MBNL2: variants seen among roughly 807,000 people sequenced by gnomAD.
MBNL2 encodes the protein muscleblind like splicing regulator 2, also known as muscleblind-like protein 2.
A neutral mutation model predicts 41.9 loss-of-function variants in MBNL2; 17 were observed. The observed-to-expected ratio is 0.41, with a 90% CI of 0.28 to 0.61. The LOEUF is 0.61. Among genes scored for constraint, MBNL2 ranks in the 20% least tolerant of loss-of-function variants. MBNL2 has a pLI of 0.35. For synonymous variants in MBNL2, 195 were observed against 182.9 expected (o/e 1.07, Z -0.53); for missense variants, 336 against 505.6 (o/e 0.66, Z 3.22).
chr13:97,252,071 C>G (rs925069960), intron 1 of MBNL2, among the ~76,000 whole-genome samples: 2 of 151,224 alleles, frequency 1.3e-5, no homozygotes, highest in African/African-American at 2.4e-5. Flanking sequence ...AGGATGGTCT[C>G]GATCTCCTGA....
upstream of MBNL2, among the ~76,000 whole-genome samples, chr13:97,221,851 T>C (rs1055402736): frequency 5.9e-5 from 9 of 152,212 alleles, no homozygotes; most frequent in Non-Finnish European, 8.8e-5. Context: ...TCTTCCTCAA[T>C]AATGGAAATA....
chr13:97,374,977 G>A (rs1002927359), intron 8 of MBNL2, among the ~76,000 whole-genome samples: 10 of 152,116 alleles, frequency 6.6e-5, no homozygotes, highest in Admixed American at 1.3e-4. Flanking sequence ...TGCTGTGAGC[G>A]GAATGGAATT....
At chr13:97,382,161 T>C (rs2065508845) in intron 8 of MBNL2, among the ~76,000 whole-genome samples, 1 of 152,238 alleles carries the variant, frequency 6.6e-6, no homozygotes, top group Admixed American at 6.5e-5. Context: ...TTAGTACACA[T>C]ACAGTCCCTA....
intron 2 of MBNL2, among the ~76,000 whole-genome samples, chr13:97,295,078 C>G (rs980164566): frequency 1.1e-4 from 17 of 152,118 alleles, no homozygotes; most frequent in African/African-American, 4.1e-4. Flanking sequence ...TGTGTTCACC[C>G]TGGAGAAAGA....
chr13:97,380,344 AT>A, intron 8 of MBNL2, among the ~76,000 whole-genome samples: 1 of 152,174 alleles, frequency 6.6e-6, no homozygotes, highest in East Asian at 1.9e-4. Context: ...AAATACAAAA[AT>A]TAGCCAGGTG....
rs1056709949 is a variant in MBNL2 at position 97,276,533 on chromosome 13, A to T, written c.174+124A>T. ...AGATTCTATTTTCTTGTTTGTGGTG[A>T]CTGTTGGGAGATTTTTCACTCAAAT... is the stretch of plus-strand genomic sequence containing the variant. On this transcript the variant is annotated intron_variant, in intron 2 of 8. Transcript: ENST00000679496. 46 of 931,298 alleles carry T rather than the reference A, an allele frequency of 4.9e-5. No homozygotes were observed. In the African/African-American group the frequency reaches 5.3e-4, roughly 11 times the overall value. 57.7% of individuals were successfully genotyped at this position (931,298 alleles called of 1,614,324 possible). A position where few individuals can be genotyped will look rare whatever the true frequency, so the allele number is the denominator to read the frequency against.
At chr13:97,247,945 C>G (rs912405084) in intron 1 of MBNL2, among the ~76,000 whole-genome samples, 1 of 152,190 alleles carries the variant, frequency 6.6e-6, no homozygotes, top group African/African-American at 2.4e-5. Context: ...ATCACATGTT[C>G]TAAACTTTTC....
chr13:97,333,808 C>T (rs1302669390), intron 2 of MBNL2, among the ~76,000 whole-genome samples: 1 of 152,036 alleles, frequency 6.6e-6, no homozygotes, highest in East Asian at 1.9e-4. Context: ...TCTGATAGCC[C>T]ACAATAGATA....
the MBNL2 span, among the ~76,000 whole-genome samples, chr13:97,192,244 A>G: frequency 1.3e-5 from 2 of 152,218 alleles, no homozygotes; most frequent in Non-Finnish European, 2.9e-5. Flanking sequence ...CGCTTTCCCA[A>G]AAATGTACCA....
chr13:97,269,365 C>T (rs2050467221), intron 1 of MBNL2, among the ~76,000 whole-genome samples: 1 of 152,150 alleles, frequency 6.6e-6, no homozygotes, highest in Admixed American at 6.5e-5. Context: ...TGCCGTTATA[C>T]ATGGAATCTT....
intron 1 of MBNL2, among the ~76,000 whole-genome samples, chr13:97,226,461 CCAACTCA>C (rs1461564659): frequency 2.0e-5 from 3 of 152,100 alleles, no homozygotes; most frequent in Non-Finnish European, 4.4e-5. Context: ...GGTGAGAAAC[CCAACTCA>C]GTAACCTAAT....
rs754139771 is a variant in MBNL2 at position 97,365,201 on chromosome 13, T to C, written c.1048+30T>C. 6 of 1,466,670 alleles carry C rather than the reference T, an allele frequency of 4.1e-6. No homozygotes were observed. In the South Asian group the frequency reaches 6.8e-5, roughly 17 times the overall value. 90.9% of individuals were successfully genotyped at this position (1,466,670 alleles called of 1,614,324 possible). On this transcript the variant is annotated intron_variant, in intron 8 of 8. Coordinates refer to ENST00000679496, the MANE Select transcript of MBNL2 (RefSeq NM_001382683.1). Reference sequence around the variant, plus strand: ...GTTTCAACCTTTTTTATTTGTCTTTTATATGATGTACAATACCTTCACTTG... The same window carrying C: ...GTTTCAACCTTTTTTATTTGTCTTTCATATGATGTACAATACCTTCACTTG...
chr13:97,383,830 G>A (rs2153163665), intron 8 of MBNL2, among the ~76,000 whole-genome samples: 1 of 151,964 alleles, frequency 6.6e-6, no homozygotes, highest in African/African-American at 2.4e-5. Context: ...TATTCCCCCA[G>A]AATAATGAAT....
intron 1 of MBNL2, among the ~76,000 whole-genome samples, chr13:97,244,422 G>A (rs188253979): frequency 2.0e-5 from 3 of 152,296 alleles, no homozygotes; most frequent in African/African-American, 7.2e-5. Context: ...GAAAAGCCAA[G>A]GAAAGCCTGT....
chr13:97,364,449 A>G (rs1169049642), intron 7 of MBNL2, among the ~76,000 whole-genome samples: 2 of 152,164 alleles, frequency 1.3e-5, no homozygotes, highest in Non-Finnish European at 2.9e-5. Context: ...AAGACCACGT[A>G]CTCATACAGG....
At chr13:97,228,016 T>C (rs903233121) in intron 1 of MBNL2, among the ~76,000 whole-genome samples, 5 of 152,226 alleles carry the variant, frequency 3.3e-5, no homozygotes, top group African/African-American at 1.2e-4. Context: ...ATTCAAAGCA[T>C]TCAATTTTCC....
chr13:97,333,524 G>A (rs1276696197), intron 2 of MBNL2, among the ~76,000 whole-genome samples: 19 of 152,216 alleles, frequency 1.2e-4, no homozygotes, highest in Admixed American at 1.2e-3. Context: ...TATATAGAGT[G>A]ACAGCTTTTG....
the MBNL2 span, among the ~76,000 whole-genome samples, chr13:97,154,792 AGGATGGATGGAT>A: frequency 4.6e-4 from 67 of 146,288 alleles, no homozygotes; most frequent in Middle Eastern, 3.4e-3. Flanking sequence ...AAATGGTATA[AGGATGGATGGAT>A]GGATGGATGG....
intron 1 of MBNL2, among the ~76,000 whole-genome samples, chr13:97,253,182 T>C (rs1169240201): frequency 1.3e-5 from 2 of 152,182 alleles, no homozygotes; most frequent in African/African-American, 4.8e-5. Context: ...GCATAGAAAA[T>C]ACAAATTGAT....
Sources: gnomAD v4.1 joint callset for allele counts (sites outside exome capture counted in the v4.1 genomes callset) on GRCh38, gnomAD v4.1.1 for gene constraint, MANE v1.5 for transcripts, NCBI Gene and HGNC (gene_info 2026-07-23, HGNC 2026-07-21) for gene names.